ADAMTSL3: variants seen among roughly 807,000 people sequenced by gnomAD.
The protein encoded by ADAMTSL3 is ADAMTS like 3.
Under a neutral mutation model 201.7 loss-of-function variants are expected in ADAMTSL3, and 128 were observed. That is an observed-to-expected ratio of 0.63 (90% confidence interval 0.55 to 0.73). The LOEUF (loss-of-function observed/expected upper bound fraction) is 0.73. Among genes scored for constraint, ADAMTSL3 ranks in the 30% least tolerant of loss-of-function variants. ADAMTSL3 has a pLI of 0.00. For missense variants in ADAMTSL3, 1,990 were observed against 2,119.6 expected (o/e 0.94, Z 1.20); for synonymous variants, 738 against 748.4 (o/e 0.99, Z 0.23).
chr15:83,887,685 G>C (rs1400637859), intron 10 of ADAMTSL3, among the ~76,000 whole-genome samples: 4 of 152,148 alleles, frequency 2.6e-5, no homozygotes, highest in Non-Finnish European at 5.9e-5. Context: ...AAACTCCTGG[G>C]CTCAAGCGAT....
At chr15:84,036,297 A>G (rs1310775104) in intron 28 of ADAMTSL3, among the ~76,000 whole-genome samples, 1 of 152,248 alleles carries the variant, frequency 6.6e-6, no homozygotes, top group Non-Finnish European at 1.5e-5. Context: ...TAAATGTAAA[A>G]AAGAGTACTT....
chr15:83,963,900 G>A (rs1008073978), intron 19 of ADAMTSL3, among the ~76,000 whole-genome samples: 7 of 152,214 alleles, frequency 4.6e-5, no homozygotes, highest in Non-Finnish European at 1.0e-4. Context: ...AACTCCAGCA[G>A]ACCTGCAGCA....
chr15:83,991,863 C>T (rs2067588461), intron 23 of ADAMTSL3, among the ~76,000 whole-genome samples: 1 of 152,192 alleles, frequency 6.6e-6, no homozygotes. Flanking sequence ...ATTCTTAAGT[C>T]TTCATCTGGG....
intron 28 of ADAMTSL3, among the ~76,000 whole-genome samples, chr15:84,033,757 C>T (rs980218994): frequency 6.6e-6 from 1 of 152,188 alleles, no homozygotes; most frequent in African/African-American, 2.4e-5. Context: ...CTTCATGTTC[C>T]AGCCACACTG....
chr15:83,810,137 C>T (rs1421184141), intron 5 of ADAMTSL3, among the ~76,000 whole-genome samples: 1 of 152,198 alleles, frequency 6.6e-6, no homozygotes, highest in African/African-American at 2.4e-5. Flanking sequence ...GGCACTCAAA[C>T]TCAAATATCA....
chr15:83,819,130 C>CGTG (rs1046309882), intron 5 of ADAMTSL3, among the ~76,000 whole-genome samples: 1 of 151,768 alleles, frequency 6.6e-6, no homozygotes, highest in African/African-American at 2.4e-5. Flanking sequence ...ATAAGCTGGG[C>CGTG]GTGGTGGCGG....
In ADAMTSL3 at chr15:83,704,471, C is replaced by G; in HGVS notation, c.152C>G (p.Thr51Arg). The stretch of plus-strand genomic sequence containing the variant: ...CAGGGAAGTTTTCTGGAAGACACAA[C>G]AGGGGAGCAGTTCCTCACTTATCGC... ...SPQGSFLEDT[T>R]GEQFLTYRYD... The change falls in exon 3 of 30, where the codon ACA becomes AGA. Residue 51 changes from threonine (T) to arginine (R), a missense_variant. Physicochemically the swap from Thr to Arg is moderately conservative, Grantham distance 71. Coordinates refer to ENST00000286744, the MANE Select transcript of ADAMTSL3 (RefSeq NM_207517.3). 1 of 1,614,196 alleles carries G rather than the reference C, an allele frequency of 6.2e-7. No individual in the cohort carries two copies.
intron 2 of ADAMTSL3, 100 bp from the exon 3 acceptor site, chr15:83,704,289 C>A (rs2061817602): frequency 6.5e-7 from 1 of 1,542,526 alleles, no homozygotes; most frequent in African/African-American, 1.4e-5. Flanking sequence ...CTTGGTACAG[C>A]TATTAATGGT....
At chr15:83,804,758 T>A in intron 5 of ADAMTSL3, 63 bp downstream of exon 5, 1 of 1,294,984 alleles carries the variant, frequency 7.7e-7, no homozygotes, top group Non-Finnish European at 1.1e-6. Flanking sequence ...GTTACAATAT[T>A]CCAATGTGTA....
chr15:83,779,750 C>A (rs1421359301), intron 4 of ADAMTSL3, among the ~76,000 whole-genome samples: 1 of 146,244 alleles, frequency 6.8e-6, no homozygotes, highest in Non-Finnish European at 1.5e-5. Flanking sequence ...ACAGCACAAT[C>A]AAATTAGAAA....
At chr15:83,748,024 T>C (rs1242259656) in intron 3 of ADAMTSL3, among the ~76,000 whole-genome samples, 2 of 151,918 alleles carry the variant, frequency 1.3e-5, no homozygotes, top group Non-Finnish European at 2.9e-5. Context: ...TCCTCATATG[T>C]CATTCCCCTT....
chr15:84,003,409 C>T (rs538051227), intron 23 of ADAMTSL3, among the ~76,000 whole-genome samples: 45 of 152,292 alleles, frequency 3.0e-4, no homozygotes, highest in Admixed American at 1.5e-3. Flanking sequence ...TCGTATCCTC[C>T]TCTGCTCTTG....
chr15:83,687,312 G>C (rs367888654), intron 2 of ADAMTSL3, among the ~76,000 whole-genome samples: 2 of 152,154 alleles, frequency 1.3e-5, no homozygotes, highest in African/African-American at 4.8e-5. Flanking sequence ...CATGTAATCA[G>C]TATGAAAATC....
rs1258829960 is a variant in ADAMTSL3, at chr15:83,903,954, A to AGGAAGG, written c.1700+4223_1700+4224insGGAAGG. ...AAAAAAAAAAAAAAAAGAAAAAAGAAAGAAAGAAAGAAAGAAAAGGAGCTA... is the reference window on the plus strand; with the variant it reads ...AAAAAAAAAAAAAAAAGAAAAAAGAAGGAAGGAGAAAGAAAGAAAGAAAAGGAGCTA... On this transcript the variant is annotated intron_variant, in intron 15 of 29. Coordinates refer to ENST00000286744, the MANE Select transcript of ADAMTSL3 (RefSeq NM_207517.3). Among the ~76,000 whole-genome samples, 114 of 57,624 alleles carry AGGAAGG rather than the reference A, an allele frequency of 2.0e-3. 14 individuals carry two copies. Among genetic ancestry groups the AGGAAGG allele is most frequent in the Non-Finnish European group, 2.7e-3 (89 of 32,416 alleles). 37.8% of individuals were successfully genotyped at this position (57,624 alleles called of 152,430 possible). A position where few individuals can be genotyped will look rare whatever the true frequency, so the allele number is the denominator to read the frequency against.
intron 2 of ADAMTSL3, among the ~76,000 whole-genome samples, chr15:83,660,942 T>G (rs934135878): frequency 1.4e-4 from 21 of 148,760 alleles, no homozygotes; most frequent in African/African-American, 5.2e-4. Flanking sequence ...TTAATCCATC[T>G]TGAATTGATT....
intron 3 of ADAMTSL3, among the ~76,000 whole-genome samples, chr15:83,763,848 A>G (rs748212524): frequency 1.3e-5 from 2 of 152,188 alleles, no homozygotes; most frequent in Non-Finnish European, 1.5e-5. Flanking sequence ...AGAATATACA[A>G]TCATTGTTAA....
In ADAMTSL3 at chr15:83,923,950, G is replaced by T. The variant is rs779556787; in HGVS notation, c.2034G>T (p.Gln678His). Residue 678 changes from glutamine (Q) to histidine (H), a missense_variant, in exon 17 of 30, where the codon CAG becomes CAT. Physicochemically the swap from Gln to His is conservative, Grantham distance 24. Transcript: ENST00000286744. The part of the protein sequence containing the change: ...IAVCLHIQTQ[Q>H]TVNDSLCDMV... Reference sequence around the variant, plus strand: ...TGTGCTTACATATCCAGACCCAGCAGACAGTCAATGACAGCTTGTGTGATA... The same window carrying T: ...TGTGCTTACATATCCAGACCCAGCATACAGTCAATGACAGCTTGTGTGATA... 8 of 1,614,060 alleles carry T rather than the reference G, an allele frequency of 5.0e-6. No individual in the cohort carries two copies. The Admixed American group carries it at 1.3e-4, about 27-fold the overall frequency.
Position 83,804,754 on chromosome 15 carries a change from A to G in ADAMTSL3, c.363+59A>G, listed in dbSNP as rs960744301. ...CAATATGTGCTTGTTTTAAGTTACA[A>G]TATTCCAATGTGTACTCTAAAACTG... On this transcript the variant is annotated intron_variant, in intron 5 of 29. Transcript: ENST00000286744. 50 of 1,322,778 alleles carry G rather than the reference A, an allele frequency of 3.8e-5. No homozygotes were observed. The African/African-American group carries it at 5.7e-4, about 15-fold the overall frequency. 81.9% of individuals were successfully genotyped at this position (1,322,778 alleles called of 1,614,324 possible). A position where few individuals can be genotyped will look rare whatever the true frequency, so the allele number is the denominator to read the frequency against.
chr15:83,813,304 C>T (rs1363223258), intron 5 of ADAMTSL3, among the ~76,000 whole-genome samples: 1 of 152,178 alleles, frequency 6.6e-6, no homozygotes, highest in Non-Finnish European at 1.5e-5. Flanking sequence ...TCGTTTTCCA[C>T]TACTCCAGCA....
Sources: allele counts gnomAD v4.1 joint callset (sites outside exome capture counted in the v4.1 genomes callset), GRCh38; gene constraint gnomAD v4.1.1; transcripts MANE v1.5; gene names NCBI Gene and HGNC (gene_info 2026-07-23, HGNC 2026-07-21).